The following PAK3 variants were observed in gnomAD, a reference collection of about 807,000 sequenced individuals.
The protein encoded by PAK3 is serine/threonine-protein kinase PAK 3.
A neutral mutation model predicts 41.0 loss-of-function variants in PAK3; 4 were observed. The ratio of observed to expected loss-of-function variants is 0.10; its 90% CI spans 0.05 to 0.22. The LOEUF (loss-of-function observed/expected upper bound fraction) is 0.22, where lower values mean the gene tolerates loss of function less well. Among genes scored for constraint, PAK3 ranks in the 10% least tolerant of loss-of-function variants. The pLI, the probability that PAK3 is intolerant of heterozygous loss-of-function variation, is 1.00. For synonymous variants in PAK3, 146 were observed against 139.6 expected (o/e 1.05, Z -0.32); for missense variants, 205 against 409.9 (o/e 0.50, Z 4.32).
intron 3 of PAK3, among the ~76,000 whole-genome samples, chrX:111,102,346 A>G (rs1364060918): frequency 8.9e-6 from 1 of 112,207 alleles, no homozygotes; most frequent in Non-Finnish European, 1.9e-5. Flanking sequence ...ATTCATCCTA[A>G]GAAACCTGGG....
chrX:111,128,845 G>T (rs1297885091), intron 5 of PAK3, among the ~76,000 whole-genome samples: 1 of 112,095 alleles, frequency 8.9e-6, no homozygotes, highest in African/African-American at 3.2e-5. Context: ...CTTGATAATA[G>T]AGATATGCTA....
rs760441630 is a variant in PAK3, at chrX:111,077,829, A to G, written c.-27-45248A>G. On this transcript the variant is annotated intron_variant, in intron 1 of 14. Transcript: ENST00000425146. Reference sequence around the variant, plus strand: ...CAAATGGGATTACATCAAGCTAAAAATTTCTGCATAGCAAGGGAAACAACA... The same window carrying G: ...CAAATGGGATTACATCAAGCTAAAAGTTTCTGCATAGCAAGGGAAACAACA... Among the ~76,000 whole-genome samples the G allele has an allele frequency of 1.8e-4, 20 of 111,963 alleles. No individual in the cohort carries two copies. The South Asian group carries it at 1.9e-3, about 10-fold the overall frequency.
chrX:111,028,449 A>C (rs2092302512), intron 1 of PAK3, among the ~76,000 whole-genome samples: 1 of 111,809 alleles, frequency 8.9e-6, no homozygotes, highest in East Asian at 2.8e-4. Context: ...ACAAGCAAAA[A>C]TGATTAAAAT....
At chrX:111,092,899 A>C (rs2092940788), upstream of PAK3, among the ~76,000 whole-genome samples, 1 of 111,860 alleles carries the variant, frequency 8.9e-6, no homozygotes, top group African/African-American at 3.3e-5. Flanking sequence ...GTCAAGTGGC[A>C]CATGCATTTT....
At chrX:110,973,135 ACT>A (rs1285632956) in intron 1 of PAK3, among the ~76,000 whole-genome samples, 3 of 111,610 alleles carry the variant, frequency 2.7e-5, no homozygotes, top group African/African-American at 9.8e-5. Context: ...GCTGGAAAAC[ACT>A]CTTCAGGATA....
chrX:111,106,284 A>T (rs1203242723), intron 4 of PAK3, among the ~76,000 whole-genome samples: 1 of 112,304 alleles, frequency 8.9e-6, no homozygotes, highest in Non-Finnish European at 1.9e-5. Flanking sequence ...ACTGACTTGC[A>T]TTCATGCTAG....
At chrX:111,174,459 C>A (rs1323259500) in intron 11 of PAK3, among the ~76,000 whole-genome samples, 2 of 111,267 alleles carry the variant, frequency 1.8e-5, no homozygotes, top group Non-Finnish European at 3.8e-5. Flanking sequence ...TTCCAGGGGG[C>A]TAAAATATAT....
chrX:111,087,752 CAAAAAAAAAAAAACA>C (rs1438067282), intron 1 of PAK3, among the ~76,000 whole-genome samples: 6 of 69,492 alleles, frequency 8.6e-5, no homozygotes, highest in Non-Finnish European at 1.6e-4. Flanking sequence ...ACAGGGACTG[CAAAAAAAAAAAAACA>C]AAAAAAAAAA....
intron 1 of PAK3, among the ~76,000 whole-genome samples, chrX:110,989,484 A>G (rs1602669001): frequency 8.9e-6 from 1 of 112,021 alleles, no homozygotes; most frequent in African/African-American, 3.2e-5. Context: ...CTGAATATTC[A>G]TGTAAAATCT....
chrX:111,150,710 G>A (rs775706385), intron 7 of PAK3, among the ~76,000 whole-genome samples: 2 of 111,744 alleles, frequency 1.8e-5, no homozygotes, highest in Non-Finnish European at 3.8e-5. Context: ...GGAATTCTGG[G>A]AGATATAATT....
chrX:111,171,218 T>C (rs748584156), intron 10 of PAK3, among the ~76,000 whole-genome samples: 2 of 111,446 alleles, frequency 1.8e-5, no homozygotes, highest in African/African-American at 6.5e-5. Context: ...AACTAGAAGA[T>C]AGAATTTACA....
intron 1 of PAK3, among the ~76,000 whole-genome samples, chrX:110,988,321 T>G: frequency 1.8e-5 from 2 of 112,060 alleles, no homozygotes; most frequent in Middle Eastern, 4.6e-3. Context: ...ATTTAGTGGA[T>G]AGTGACCAGC....
chrX:111,146,004 A>G (rs914109001), intron 6 of PAK3, among the ~76,000 whole-genome samples: 4 of 112,076 alleles, frequency 3.6e-5, no homozygotes, highest in African/African-American at 1.3e-4. Context: ...ATAAAATTCA[A>G]TGTTTCCATA....
chrX:111,195,958 A>T lies in PAK3; in HGVS notation c.1210+17A>T. On this transcript the variant is annotated intron_variant, in intron 15 of 17. Coordinates refer to ENST00000372007, the MANE Select transcript of PAK3 (RefSeq NM_002578.5). ...TTAAATTGAGTAGGTATTTTGGTTC[A>T]GGTGGTATTAGAGTATCAGGGAATT... is the stretch of plus-strand genomic sequence containing the variant. The T allele has an allele frequency of 1.2e-6, 1 of 863,735 alleles. No homozygotes were observed. 71.2% of individuals were successfully genotyped at this position (863,735 alleles called of 1,213,427 possible).
chrX:111,007,599 A>T (rs1442300537), intron 1 of PAK3, among the ~76,000 whole-genome samples: 1 of 111,458 alleles, frequency 9.0e-6, no homozygotes, highest in East Asian at 2.8e-4. Flanking sequence ...GCATGCTTTG[A>T]GTTTGTTGCT....
Position 111,227,065 on chromosome X carries a change from T to C in PAK3, c.*6618T>C, listed in dbSNP as rs903198947. The C allele has an allele frequency of 9.8e-5, 11 of 112,441 alleles. No homozygotes were observed. The highest frequency in any genetic ancestry group is 3.2e-4 in the African/African-American group (10 of 30,963). 9.3% of individuals were successfully genotyped at this position (112,441 alleles called of 1,213,427 possible). Reference sequence around the variant, plus strand: ...GTCAGAATGTGTTATCTGTAAACCATGTGTAGTGAAATTCTTCTGTAACTT... The same window carrying C: ...GTCAGAATGTGTTATCTGTAAACCACGTGTAGTGAAATTCTTCTGTAACTT... On this transcript the variant is annotated 3_prime_UTR_variant, in exon 18 of 18. Coordinates refer to ENST00000372007, the MANE Select transcript of PAK3 (RefSeq NM_002578.5).
chrX:111,132,380 C>T (rs6642870), intron 5 of PAK3, among the ~76,000 whole-genome samples: 7,934 of 111,068 alleles, frequency 0.071, 481 homozygotes, highest in African/African-American at 0.2. Context: ...GAAGTGGTCC[C>T]TGTGACTACA....
chrX:111,009,783 C>T (rs572115652), intron 1 of PAK3, among the ~76,000 whole-genome samples: 6 of 112,050 alleles, frequency 5.4e-5, no homozygotes, highest in Non-Finnish European at 9.4e-5. Context: ...CCAAGCACTG[C>T]GCTAAATGTG....
At chrX:111,113,868 A>T (rs1243989509) in intron 4 of PAK3, among the ~76,000 whole-genome samples, 1 of 110,778 alleles carries the variant, frequency 9.0e-6, no homozygotes, top group Non-Finnish European at 1.9e-5. Context: ...GAGTGAGAAC[A>T]TGCGGTGTTT....
Sources: gnomAD v4.1 joint callset for allele counts (sites outside exome capture counted in the v4.1 genomes callset) on GRCh38, gnomAD v4.1.1 for gene constraint, MANE v1.5 for transcripts, NCBI Gene and HGNC (gene_info 2026-07-23, HGNC 2026-07-21) for gene names.